SPATS2L: variants seen among roughly 807,000 people sequenced by gnomAD.
SPATS2L encodes the protein SPATS2-like protein.
SPATS2L carries 30 observed loss-of-function variants against 59.6 expected under a neutral mutation model. The ratio of observed to expected loss-of-function variants is 0.50; its 90% CI spans 0.38 to 0.68. The LOEUF is 0.68. SPATS2L is among the 30% of genes least tolerant of loss of function. The pLI is 0.00. For synonymous variants in SPATS2L, 252 were observed against 263.5 expected (o/e 0.96, Z 0.42); for missense variants, 615 against 700.0 (o/e 0.88, Z 1.37).
chr2:200,396,033 A>AATATAAATATATATAT (rs1553520467), intron 3 of SPATS2L, among the ~76,000 whole-genome samples: 5 of 21,138 alleles, frequency 2.4e-4, no homozygotes, highest in African/African-American at 5.9e-4. Context: ...AAAAAAAAAA[A>AATATAAATATATATAT]ATATATATAT....
At chr2:200,330,893 G>C (rs1188863538) in intron 2 of SPATS2L, among the ~76,000 whole-genome samples, 1 of 152,168 alleles carries the variant, frequency 6.6e-6, no homozygotes, top group African/African-American at 2.4e-5. Context: ...ACTTGTACTG[G>C]CTGCTTATCC....
chr2:200,401,200 GGA>G (rs36041208), intron 3 of SPATS2L, among the ~76,000 whole-genome samples: 54,102 of 151,830 alleles, frequency 0.36, 9,964 homozygotes, highest in East Asian at 0.55. Flanking sequence ...GACTGCACAA[GGA>G]GAGAGAGGCT....
chr2:200,438,903 C>G (rs1050284141), intron 6 of SPATS2L, among the ~76,000 whole-genome samples: 5 of 152,160 alleles, frequency 3.3e-5, no homozygotes, highest in Non-Finnish European at 7.4e-5. Context: ...ATTACCAGAG[C>G]CAAAACATGC....
chr2:200,455,232 CATA>C (rs2085752519), intron 8 of SPATS2L, among the ~76,000 whole-genome samples: 3 of 152,288 alleles, frequency 2.0e-5, no homozygotes, highest in South Asian at 4.1e-4. Context: ...TTGAGCAACC[CATA>C]ATAAGTCTAA....
intron 10 of SPATS2L, among the ~76,000 whole-genome samples, chr2:200,468,613 T>C (rs936657923): frequency 6.6e-6 from 1 of 152,150 alleles, no homozygotes; most frequent in African/African-American, 2.4e-5. Context: ...CTCCTCAGCT[T>C]CTCTGCTCTG....
intron 2 of SPATS2L, among the ~76,000 whole-genome samples, chr2:200,366,613 G>A (rs1333995905): frequency 6.6e-6 from 1 of 152,158 alleles, no homozygotes; most frequent in African/African-American, 2.4e-5. Context: ...CCATGACTGT[G>A]TGAAATATTT....
At position 200,365,821 on chromosome 2, in the gene SPATS2L, T is replaced by C. The variant is rs2081251223; in HGVS notation, c.-22-23402T>C. Among the ~76,000 whole-genome samples the C allele has an allele frequency of 2.0e-5, 3 of 152,184 alleles. No individual in the cohort carries two copies. In the South Asian group the frequency reaches 6.2e-4, roughly 31 times the overall value. ...GCTTCCCCTAGAATGGCTTGTATTG[T>C]ATTGTTTTCTGCTCACTTGTCTGGT... is the stretch of plus-strand genomic sequence containing the variant. On this transcript the variant is annotated intron_variant, in intron 2 of 12. Transcript: ENST00000409140.
intron 9 of SPATS2L, among the ~76,000 whole-genome samples, chr2:200,462,648 G>T (rs976893079): frequency 6.6e-6 from 1 of 152,160 alleles, no homozygotes; most frequent in African/African-American, 2.4e-5. Flanking sequence ...CCTGGCAATG[G>T]CTCACACATA....
intron 11 of SPATS2L, among the ~76,000 whole-genome samples, chr2:200,470,423 G>C (rs889317149): frequency 2.0e-5 from 3 of 152,192 alleles, no homozygotes; most frequent in Non-Finnish European, 4.4e-5. Flanking sequence ...GCTGTTATGC[G>C]AGCCCCTCAG....
At chr2:200,363,122 G>A (rs551247615) in intron 2 of SPATS2L, among the ~76,000 whole-genome samples, 21 of 152,154 alleles carry the variant, frequency 1.4e-4, no homozygotes, top group African/African-American at 4.8e-4. Flanking sequence ...TCTGAAAGGG[G>A]CAGTAATGTA....
intron 2 of SPATS2L, among the ~76,000 whole-genome samples, chr2:200,336,548 A>G (rs2080149512): frequency 6.6e-6 from 1 of 152,170 alleles, no homozygotes; most frequent in Non-Finnish European, 1.5e-5. Flanking sequence ...CCATTAAAAG[A>G]CCTTAATTTT....
At chr2:200,436,144 T>C (rs144359357) in intron 6 of SPATS2L, among the ~76,000 whole-genome samples, 251 of 152,224 alleles carry the variant, frequency 1.6e-3, no homozygotes, top group Admixed American at 3.1e-3. Flanking sequence ...TGTTGAAGTT[T>C]ACAAGTGGAC....
At chr2:200,330,873 T>G (rs946995875) in intron 2 of SPATS2L, among the ~76,000 whole-genome samples, 1 of 152,234 alleles carries the variant, frequency 6.6e-6, no homozygotes, top group Non-Finnish European at 1.5e-5. Flanking sequence ...TAATCATGTG[T>G]TGGAACGCTA....
chr2:200,350,258 C>A (rs149226492), intron 2 of SPATS2L, among the ~76,000 whole-genome samples: 1 of 152,246 alleles, frequency 6.6e-6, no homozygotes, highest in Non-Finnish European at 1.5e-5. Context: ...TCAGTGGCCT[C>A]TGCTGAATCA....
At chr2:200,416,501 G>T in intron 5 of SPATS2L, 73 bp downstream of exon 5, 1 of 883,650 alleles carries the variant, frequency 1.1e-6, no homozygotes, top group Non-Finnish European at 1.6e-6. Context: ...ATTTTAACAA[G>T]GCTGCCAATT....
At chr2:200,365,403 T>C (rs1315798536) in intron 2 of SPATS2L, among the ~76,000 whole-genome samples, 3 of 152,136 alleles carry the variant, frequency 2.0e-5, no homozygotes, top group Non-Finnish European at 4.4e-5. Context: ...ATATGACCAC[T>C]GTGGGGCTGC....
At chr2:200,401,718 G>GA (rs2082534732) in intron 3 of SPATS2L, among the ~76,000 whole-genome samples, 1 of 151,870 alleles carries the variant, frequency 6.6e-6, no homozygotes, top group South Asian at 2.1e-4. Context: ...TTTTTTTAAG[G>GA]AATGCCAAGT....
At position 200,326,625 on chromosome 2, in the gene SPATS2L, A is replaced by C. The variant is rs531406677; in HGVS notation, c.-72-2806A>C. Among the ~76,000 whole-genome samples the C allele has an allele frequency of 8.5e-5, 13 of 152,268 alleles. No homozygotes were observed. The South Asian group carries it at 2.7e-3, about 32-fold the overall frequency. ...CCTTTCAGAGCCAGTTTAGGAACCA[A>C]CTTTTCTATAGACTCCCAAGCACAG... On this transcript the variant is annotated intron_variant, in intron 1 of 12. Coordinates refer to ENST00000409140, the MANE Select transcript of SPATS2L (RefSeq NM_001100423.2).
chr2:200,400,139 A>G (rs571784950), intron 3 of SPATS2L, among the ~76,000 whole-genome samples: 1 of 148,274 alleles, frequency 6.7e-6, no homozygotes, highest in African/African-American at 2.4e-5. Context: ...ACAAAATGCC[A>G]AAAACAAAAT....
Sources: allele counts gnomAD v4.1 joint callset (sites outside exome capture counted in the v4.1 genomes callset), GRCh38; gene constraint gnomAD v4.1.1; transcripts MANE v1.5; gene names NCBI Gene and HGNC (gene_info 2026-07-23, HGNC 2026-07-21).